CADPS: variants seen among roughly 807,000 people sequenced by gnomAD.
CADPS encodes calcium dependent secretion activator, also known as calcium-dependent secretion activator 1.
CADPS carries 57 observed loss-of-function variants against 167.3 expected under a neutral mutation model. The observed-to-expected ratio is 0.34, with a 90% CI of 0.28 to 0.42. CADPS has a LOEUF of 0.42. CADPS is among the 20% of genes least tolerant of loss of function. CADPS has a pLI of 1.00. For synonymous variants in CADPS, 676 were observed against 635.3 expected (o/e 1.06, Z -0.96); for missense variants, 1,414 against 1,738.1 (o/e 0.81, Z 3.32).
At chr3:62,654,755 A>C (rs560718266) in intron 4 of CADPS, among the ~76,000 whole-genome samples, 1 of 152,174 alleles carries the variant, frequency 6.6e-6, no homozygotes, top group Admixed American at 6.5e-5. Context: ...AGTGAACTAC[A>C]TGGTATTTGG....
At chr3:62,437,434 C>T (rs1434838481) in intron 28 of CADPS, among the ~76,000 whole-genome samples, 1 of 149,178 alleles carries the variant, frequency 6.7e-6, no homozygotes, top group Non-Finnish European at 1.5e-5. Context: ...AAATGATTAA[C>T]CCTTGGTAAT....
At chr3:62,652,670 GAGA>G (rs755294474) in intron 4 of CADPS, among the ~76,000 whole-genome samples, 2 of 152,044 alleles carry the variant, frequency 1.3e-5, no homozygotes, top group African/African-American at 4.8e-5. Context: ...GACAAAGAGA[GAGA>G]AGAAGTAAGG....
chr3:62,612,687 G>A (rs2061665867), intron 6 of CADPS, among the ~76,000 whole-genome samples: 1 of 152,250 alleles, frequency 6.6e-6, no homozygotes, highest in Non-Finnish European at 1.5e-5. Flanking sequence ...CAAGATGAGA[G>A]CTGGAGCAGT....
intron 11 of CADPS, among the ~76,000 whole-genome samples, chr3:62,539,068 A>G (rs1048236779): frequency 7.2e-5 from 11 of 152,196 alleles, no homozygotes; most frequent in African/African-American, 2.7e-4. Context: ...TTGTCAAAAT[A>G]AAACTTCCTT....
chr3:62,479,025 G>C (rs1034227265), intron 22 of CADPS, among the ~76,000 whole-genome samples: 2 of 152,162 alleles, frequency 1.3e-5, no homozygotes, highest in African/African-American at 4.8e-5. Flanking sequence ...TTTGGTTACT[G>C]TTCCAATTTT....
chr3:62,588,580 T>C (rs1253918179), intron 7 of CADPS, among the ~76,000 whole-genome samples: 1 of 152,168 alleles, frequency 6.6e-6, no homozygotes, highest in Non-Finnish European at 1.5e-5. Context: ...CTGTCAAATT[T>C]CAAATTTCAG....
chr3:62,479,143 T>C (rs2061658279), intron 22 of CADPS, among the ~76,000 whole-genome samples: 1 of 152,188 alleles, frequency 6.6e-6, no homozygotes, highest in Admixed American at 6.5e-5. Context: ...GCTCAAAACC[T>C]GAGCTCTTTT....
At chr3:62,832,995 A>C (rs1003402895) in intron 1 of CADPS, among the ~76,000 whole-genome samples, 1 of 152,136 alleles carries the variant, frequency 6.6e-6, no homozygotes, top group Admixed American at 6.5e-5. Context: ...CTAGGTATGG[A>C]ATGTTTTAAA....
intron 8 of CADPS, among the ~76,000 whole-genome samples, chr3:62,584,289 G>C (rs1178888209): frequency 2.6e-5 from 4 of 152,188 alleles, no homozygotes; most frequent in Non-Finnish European, 5.9e-5. Flanking sequence ...TTACAGGCAT[G>C]AGCCACTGTG....
At chr3:62,447,445 T>C (rs1235774686) in intron 26 of CADPS, among the ~76,000 whole-genome samples, 1 of 151,710 alleles carries the variant, frequency 6.6e-6, no homozygotes, top group African/African-American at 2.4e-5. Context: ...TCAGCCGAAA[T>C]TTTTTTTTGT....
chr3:62,548,094 T>C (rs779450697), intron 11 of CADPS, among the ~76,000 whole-genome samples: 6 of 152,158 alleles, frequency 3.9e-5, no homozygotes, highest in Non-Finnish European at 8.8e-5. Context: ...ATGGTGATTA[T>C]AGTTAGAATT....
intron 20 of CADPS, 94 bp from the exon 21 acceptor site, chr3:62,491,574 C>CACACACACACACACACACACACACACAA (rs1553815722): frequency 1.0e-6 from 1 of 979,110 alleles, no homozygotes; most frequent in African/African-American, 1.7e-5. Flanking sequence ...CACACACACA[C>CACACACACACACACACACACACACACAA]ACACACACAC....
chr3:62,871,520 G>C (rs576899181), intron 1 of CADPS, among the ~76,000 whole-genome samples: 1 of 152,034 alleles, frequency 6.6e-6, no homozygotes, highest in African/African-American at 2.4e-5. Context: ...TTTCTAGCCA[G>C]TATCTCATAT....
intron 3 of CADPS, among the ~76,000 whole-genome samples, chr3:62,676,490 C>A (rs779462748): frequency 1.3e-5 from 2 of 152,126 alleles, no homozygotes; most frequent in African/African-American, 4.8e-5. Context: ...ACAGGATCAG[C>A]TACCTATTCA....
intron 3 of CADPS, among the ~76,000 whole-genome samples, chr3:62,687,425 G>A (rs1453020389): frequency 6.6e-6 from 1 of 152,012 alleles, no homozygotes; most frequent in African/African-American, 2.4e-5. Flanking sequence ...AACAGCCAGG[G>A]GCATTTTATT....
intron 8 of CADPS, among the ~76,000 whole-genome samples, chr3:62,579,047 T>A (rs1195733401): frequency 6.6e-6 from 1 of 152,186 alleles, no homozygotes; most frequent in Non-Finnish European, 1.5e-5. Flanking sequence ...GATAGCCAAG[T>A]GTTACAAACT....
At chr3:62,576,801 A>T (rs892853698) in intron 8 of CADPS, among the ~76,000 whole-genome samples, 17 of 148,888 alleles carry the variant, frequency 1.1e-4, no homozygotes, top group Admixed American at 4.0e-4. Context: ...AAAAAAAAAA[A>T]AAAAAAAAAA....
At chr3:62,452,451 T>A (rs189243291) in intron 26 of CADPS, among the ~76,000 whole-genome samples, 4 of 152,334 alleles carry the variant, frequency 2.6e-5, no homozygotes, top group African/African-American at 9.6e-5. Context: ...AGATACAGAA[T>A]ACTGCCATCA....
intron 3 of CADPS, among the ~76,000 whole-genome samples, chr3:62,735,481 C>T (rs1054239892): frequency 2.0e-5 from 3 of 152,118 alleles, no homozygotes; most frequent in Admixed American, 2.0e-4. Flanking sequence ...TATTAGGTAT[C>T]ATTTTGCATG....
Sources: gnomAD v4.1 joint callset for allele counts (sites outside exome capture counted in the v4.1 genomes callset) on GRCh38, gnomAD v4.1.1 for gene constraint, MANE v1.5 for transcripts, NCBI Gene and HGNC (gene_info 2026-07-23, HGNC 2026-07-21) for gene names.